TNFRSF10B: variants seen among roughly 807,000 people sequenced by gnomAD.
TNFRSF10B encodes the protein tumor necrosis factor receptor superfamily member 10B.
Under a neutral mutation model 41.4 loss-of-function variants are expected in TNFRSF10B, and 35 were observed. The ratio of observed to expected loss-of-function variants is 0.85; its 90% CI spans 0.65 to 1.12. The LOEUF is 1.12. Among genes scored for constraint, TNFRSF10B ranks in the 50% most tolerant of loss-of-function variants. TNFRSF10B has a pLI of 0.00. For synonymous variants in TNFRSF10B, 230 were observed against 215.5 expected, an observed-to-expected ratio of 1.07 and a Z score of -0.59; for missense variants, 584 against 552.7, an observed-to-expected ratio of 1.06 and a Z score of -0.57.
chr8:23,027,946 A>G (rs974840515), intron 5 of TNFRSF10B, 193 bp from the exon 6 acceptor site: 2 of 658,764 alleles, frequency 3.0e-6, no homozygotes, highest in African/African-American at 3.6e-5. Flanking sequence ...ACTAGAGTAA[A>G]AACAAACACT....
chr8:23,044,139 G>A (rs1028308741), intron 1 of TNFRSF10B, among the ~76,000 whole-genome samples: 4 of 152,106 alleles, frequency 2.6e-5, no homozygotes, highest in East Asian at 1.9e-4. Context: ...CAATGACCTC[G>A]GACCTTTAAC....
At chr8:23,026,813 C>G (rs1415574284) in intron 7 of TNFRSF10B, among the ~76,000 whole-genome samples, 1 of 152,230 alleles carries the variant, frequency 6.6e-6, no homozygotes, top group African/African-American at 2.4e-5. Context: ...CAAGGGCTCA[C>G]TGACTTCTGT....
chr8:23,066,036 A>T (rs1403616240), intron 1 of TNFRSF10B, among the ~76,000 whole-genome samples: 6 of 152,190 alleles, frequency 3.9e-5, no homozygotes, highest in Non-Finnish European at 8.8e-5. Context: ...TAATCCCAAT[A>T]CTTTGGGAGG....
intron 2 of TNFRSF10B, among the ~76,000 whole-genome samples, chr8:23,040,766 C>G (rs1278470239): frequency 6.6e-6 from 1 of 151,864 alleles, no homozygotes. Context: ...TATATGCTAG[C>G]CACAAGATTC....
chr8:23,032,886 A>T (rs1811919959), intron 2 of TNFRSF10B, among the ~76,000 whole-genome samples: 1 of 152,218 alleles, frequency 6.6e-6, no homozygotes, highest in Non-Finnish European at 1.5e-5. Context: ...AAGCAGGATA[A>T]GTTAAAAGAG....
rs1292299435 is a variant in TNFRSF10B, at chr8:23,027,435, G to C, written c.781-147C>G. The C allele has an allele frequency of 3.9e-6, 4 of 1,018,038 alleles. No individual in the cohort carries two copies. In the Admixed American group the frequency reaches 6.1e-5, roughly 15 times the overall value. The allele number at this position is 1,018,038 out of a possible 1,614,324, so 63.1% of individuals were successfully genotyped here. On this transcript the variant is annotated intron_variant, in intron 6 of 8. Coordinates refer to ENST00000276431, the MANE Select transcript of TNFRSF10B (RefSeq NM_003842.5). ...AGGCAGCCCAGACTCAGCACATCCA[G>C]GACCCGCTGCTGGGGCCAGGCCCCC... is the stretch of plus-strand genomic sequence containing the variant.
chr8:23,040,509 T>A (rs1234001662), intron 2 of TNFRSF10B, among the ~76,000 whole-genome samples: 1 of 147,852 alleles, frequency 6.8e-6, no homozygotes, highest in Non-Finnish European at 1.5e-5. Context: ...TATTTTAAAA[T>A]ATGCAGAAAA....
chr8:23,037,412 A>C (rs945690013), intron 2 of TNFRSF10B, among the ~76,000 whole-genome samples: 1 of 152,200 alleles, frequency 6.6e-6, no homozygotes, highest in African/African-American at 2.4e-5. Context: ...GTTGATTATT[A>C]CACTGAACCA....
At chr8:23,036,611 G>A (rs35534403) in intron 2 of TNFRSF10B, among the ~76,000 whole-genome samples, 60,471 of 152,148 alleles carry the variant, frequency 0.4, 13,717 homozygotes, top group Non-Finnish European at 0.5. Flanking sequence ...TTGGGAGGCC[G>A]AGGTGAGTGG....
At chr8:23,055,844 C>T (rs1485242839) in intron 1 of TNFRSF10B, among the ~76,000 whole-genome samples, 1 of 152,110 alleles carries the variant, frequency 6.6e-6, no homozygotes, top group South Asian at 2.1e-4. Flanking sequence ...AGGACTCAGA[C>T]CTTAGTTATA....
chr8:23,020,445 C>T lies in TNFRSF10B; in HGVS notation c.*2226G>A, dbSNP rs1229629651. ...GGCTGGTGGCTCACGCCTGTAATCC[C>T]AGCACTTTCGGAGGCCAAGGTGGAT... On this transcript the variant is annotated 3_prime_UTR_variant, in exon 9 of 9. Transcript: ENST00000276431. 4.4e-6 allele frequency: 2 copies of T among 454,086 alleles called. No individual in the cohort carries two copies. The highest frequency in any genetic ancestry group is 2.3e-5 in the Admixed American group (1 of 42,568). 28.1% of individuals were successfully genotyped at this position (454,086 alleles called of 1,614,324 possible).
At position 23,029,699 on chromosome 8, in the gene TNFRSF10B, GCAGGGA is replaced by G; in HGVS notation, c.381_386del (p.Pro128_Cys129del). ...GACACACTGTGTTTCTGGTCGTGGT[GCAGGGA>G]CTTAGCTCCACTTCACCTGACGACA... On this transcript the variant is annotated inframe_deletion, in exon 4 of 9. Transcript: ENST00000276431. 1 of 1,613,948 alleles carries G rather than the reference GCAGGGA, an allele frequency of 6.2e-7. No homozygotes were observed. Among genetic ancestry groups the G allele is most frequent in the Non-Finnish European group, 8.5e-7 (1 of 1,179,956 alleles).
At position 23,022,994 on chromosome 8, in the gene TNFRSF10B, A is replaced by G; in HGVS notation, c.1010-10T>C. ...AAGCACTGTCTCAGAGCTGGTGGAG[A>G]AAGCCACAGAGACAGCCAGGTGAGT... On this transcript the variant is annotated splice_polypyrimidine_tract_variant and intron_variant, in intron 8 of 8. Coordinates refer to ENST00000276431, the MANE Select transcript of TNFRSF10B (RefSeq NM_003842.5). The G allele has an allele frequency of 6.2e-7, 1 of 1,608,852 alleles. No homozygotes were observed.
At chr8:23,045,332 C>T (rs4560787) in intron 1 of TNFRSF10B, among the ~76,000 whole-genome samples, 104 of 152,132 alleles carry the variant, frequency 6.8e-4, no homozygotes, top group Middle Eastern at 3.4e-3. Flanking sequence ...TTGAACCACC[C>T]GGAAGAAATG....
In TNFRSF10B at chr8:23,021,493, T is replaced by A. The variant is rs897651239; in HGVS notation, c.*1178A>T. The A allele has an allele frequency of 2.2e-6, 1 of 453,978 alleles. No homozygotes were observed. Among genetic ancestry groups the A allele is most frequent in the African/African-American group, 2.0e-5 (1 of 49,998 alleles). 28.1% of individuals were successfully genotyped at this position (453,978 alleles called of 1,614,324 possible). On this transcript the variant is annotated 3_prime_UTR_variant, in exon 9 of 9. Transcript: ENST00000276431. ...CGTGGGAGACAGATTTTGTCTTCTA[T>A]CTCCTGAGCCCAAACAGGGCTCAAG...
At chr8:23,052,269 C>T (rs1812541989) in intron 1 of TNFRSF10B, among the ~76,000 whole-genome samples, 1 of 148,518 alleles carries the variant, frequency 6.7e-6, no homozygotes, top group Non-Finnish European at 1.5e-5. Context: ...AAGATTGTGT[C>T]CTTTTTAAAG....
In TNFRSF10B at chr8:23,022,857, C is replaced by T. The variant is rs144232345; in HGVS notation, c.1137G>A (p.Arg379=). 1.3e-5 allele frequency: 21 copies of T among 1,614,040 alleles called. No homozygotes were observed. The highest frequency in any genetic ancestry group is 1.7e-5 in the Non-Finnish European group (20 of 1,180,006). Residue 379 remains arginine, a synonymous_variant, in exon 9 of 9, where the codon AGG becomes AGA. Coordinates refer to ENST00000276431, the MANE Select transcript of TNFRSF10B (RefSeq NM_003842.5). ...TTATCAGCATCGTGTACAAGGTGTC[C>T]CTGTGGCCCGCTGCCTCAGCTTTAG... ...KVAKAEAAGH[R]DTLYTMLIKW...
rs946716380 is a variant in TNFRSF10B at position 23,069,006 on chromosome 8, C to G, written c.-112G>C. The G allele has an allele frequency of 1.3e-6, 2 of 1,552,548 alleles. No individual in the cohort carries two copies. The highest frequency in any genetic ancestry group is 2.3e-5 in the South Asian group (2 of 87,818). The stretch of plus-strand genomic sequence containing the variant: ...CGCAGAGATTGCGGGGTTCTCCGGC[C>G]GCGTGCTGATTTATGTGTCCAGGCT... On this transcript the variant is annotated 5_prime_UTR_variant, in exon 1 of 9. Coordinates refer to ENST00000276431, the MANE Select transcript of TNFRSF10B (RefSeq NM_003842.5).
chr8:23,026,022 G>C (rs2128811185), intron 7 of TNFRSF10B, among the ~76,000 whole-genome samples: 1 of 152,242 alleles, frequency 6.6e-6, no homozygotes, highest in South Asian at 2.1e-4. Flanking sequence ...GTTGCAATGA[G>C]CCAAGATGGT....
Sources: allele counts gnomAD v4.1 joint callset (sites outside exome capture counted in the v4.1 genomes callset), GRCh38; gene constraint gnomAD v4.1.1; transcripts MANE v1.5; gene names NCBI Gene and HGNC (gene_info 2026-07-23, HGNC 2026-07-21).